The following ALMS1 variants were observed in gnomAD, a reference collection of about 807,000 sequenced individuals.
ALMS1 encodes the protein centrosome-associated protein ALMS1.
In ALMS1, 271 loss-of-function variants were observed where a neutral mutation model predicts 352.2. The ratio of observed to expected loss-of-function variants is 0.77; its 90% CI spans 0.70 to 0.85. The LOEUF is 0.85. Ranked by LOEUF, ALMS1 falls within the 40% of genes least tolerant of loss-of-function variation. ALMS1 has a pLI of 0.00. For synonymous variants in ALMS1, 1,865 were observed against 1,761.2 expected (o/e 1.06, Z -1.48); for missense variants, 5,445 against 4,870.7 (o/e 1.12, Z -3.51).
chr2:73,469,064 C>T (rs1672415317), intron 9 of ALMS1, among the ~76,000 whole-genome samples: 1 of 151,940 alleles, frequency 6.6e-6, no homozygotes, highest in African/African-American at 2.4e-5. Context: ...CAATGATTTA[C>T]TGACTTCTCT....
intron 9 of ALMS1, among the ~76,000 whole-genome samples, chr2:73,473,683 A>C (rs1252750577): frequency 6.7e-6 from 1 of 150,304 alleles, no homozygotes; most frequent in African/African-American, 2.5e-5. Flanking sequence ...AAATATCGAC[A>C]AAGAGAAATT....
rs1021572525 is a variant in ALMS1, at chr2:73,452,576, A to G, written c.6049A>G (p.Ser2017Gly). ...AACTGAGTTTCCAGCAGCTACCCTT[A>G]GTTCCTACTCACAAATAGAGAAGCC... ...QKTEFPAATL[S>G]SYSQIEKPKI... Residue 2017 changes from serine (S) to glycine (G), a missense_variant, in exon 8 of 23, where the codon AGT becomes GGT. Transcript: ENST00000613296. 19 of 1,614,018 alleles carry G rather than the reference A, an allele frequency of 1.2e-5. No homozygotes were observed. The highest frequency in any genetic ancestry group is 1.6e-5 in the Non-Finnish European group (19 of 1,180,024).
chr2:73,598,287 G>A (rs1675594945), intron 16 of ALMS1, among the ~76,000 whole-genome samples: 2 of 152,140 alleles, frequency 1.3e-5, no homozygotes, highest in Admixed American at 6.5e-5. Flanking sequence ...GAGAAAACAA[G>A]GCTAACCTGG....
chr2:73,530,844 G>T (rs1030493059), intron 11 of ALMS1, among the ~76,000 whole-genome samples: 5 of 152,210 alleles, frequency 3.3e-5, no homozygotes, highest in Non-Finnish European at 5.9e-5. Context: ...GTCAAAGCTT[G>T]GGGCTTGCAC....
chr2:73,497,864 T>G (rs945237629), intron 10 of ALMS1, among the ~76,000 whole-genome samples: 7 of 152,162 alleles, frequency 4.6e-5, no homozygotes, highest in Admixed American at 1.3e-4. Flanking sequence ...ACGTGTCTTT[T>G]TAATGTCTTC....
intron 4 of ALMS1, among the ~76,000 whole-genome samples, chr2:73,424,153 G>C (rs1468552180): frequency 6.6e-6 from 1 of 152,098 alleles, no homozygotes; most frequent in Non-Finnish European, 1.5e-5. Context: ...ATCATGGTAG[G>C]CGTCATTATG....
At position 73,449,633 on chromosome 2, in the gene ALMS1, G is replaced by C; in HGVS notation, c.3106G>C (p.Ala1036Pro). The C allele has an allele frequency of 6.2e-7, 1 of 1,614,104 alleles. No homozygotes were observed. The highest frequency in any genetic ancestry group is 8.5e-7 in the Non-Finnish European group (1 of 1,179,988). ...GAAAGTTTCAACTGGCCCTGGACCA[G>C]CTGACCAGAAGACTGAGATACCAGC... Reference protein sequence around the residue: ...ALKVSTGPGPADQKTEIPAVQ... With the variant: ...ALKVSTGPGPPDQKTEIPAVQ... Residue 1036 changes from alanine to proline, a missense_variant, in exon 8 of 23, where the codon GCT (alanine) becomes CCT (proline). Ala to Pro is a conservative substitution (Grantham distance 27, BLOSUM62 -1). Transcript: ENST00000613296.
intron 1 of ALMS1, among the ~76,000 whole-genome samples, chr2:73,401,581 A>G (rs538396315): frequency 1.3e-5 from 2 of 151,376 alleles, no homozygotes; most frequent in African/African-American, 2.4e-5. Flanking sequence ...CCTTTATTGT[A>G]TATATTTATA....
intron 15 of ALMS1, among the ~76,000 whole-genome samples, chr2:73,559,579 G>T (rs750850874): frequency 6.6e-6 from 1 of 151,908 alleles, no homozygotes; most frequent in African/African-American, 2.4e-5. Flanking sequence ...ACATAAAAGC[G>T]TATAGAACAC....
chr2:73,558,879 C>G, intron 14 of ALMS1, 93 bp from the exon 15 acceptor site: 17 of 1,362,224 alleles, frequency 1.2e-5, no homozygotes, highest in Non-Finnish European at 1.7e-5. Flanking sequence ...ATATCAGTAA[C>G]AAAGCCTTTC....
At chr2:73,556,645 G>T (rs61692394) in intron 13 of ALMS1, among the ~76,000 whole-genome samples, 50,181 of 136,278 alleles carry the variant, frequency 0.37, 10,648 homozygotes, top group African/African-American at 0.62. Flanking sequence ...TTTTTTTTTT[G>T]TTTTTTTTTT....
chr2:73,478,863 C>T (rs563848347), intron 9 of ALMS1, among the ~76,000 whole-genome samples: 46 of 151,970 alleles, frequency 3.0e-4, no homozygotes, highest in Non-Finnish European at 5.3e-4. Flanking sequence ...CGACAGGCCC[C>T]GGTGTGTGAT....
chr2:73,583,789 T>C (rs575163054), intron 16 of ALMS1, among the ~76,000 whole-genome samples: 6 of 152,328 alleles, frequency 3.9e-5, no homozygotes, highest in African/African-American at 1.4e-4. Context: ...CATTTGAACA[T>C]ATATGCGAGA....
In ALMS1 at chr2:73,572,378, T is replaced by A. The variant is rs774327209; in HGVS notation, c.10501T>A (p.Leu3501Met). The A allele has an allele frequency of 6.2e-7, 1 of 1,609,440 alleles. No homozygotes were observed. The highest frequency in any genetic ancestry group is 1.1e-5 in the South Asian group (1 of 89,768). The change falls in exon 16 of 23, where the codon TTG (leucine) becomes ATG (methionine). Residue 3501 changes from leucine to methionine, a missense_variant. Leu to Met is a conservative substitution (Grantham distance 15, BLOSUM62 2). Coordinates refer to ENST00000613296, the MANE Select transcript of ALMS1 (RefSeq NM_001378454.1). The part of the protein sequence containing the change: ...PSDQDICHES[L>M]GKSVFMRHSW... ...TGATCAAGATATTTGCCATGAATCT[T>A]TGGGAAAGAGTGTTTTCATGAGACA... is the stretch of plus-strand genomic sequence containing the variant.
chr2:73,464,499 G>C (rs888299189), intron 9 of ALMS1, among the ~76,000 whole-genome samples: 40 of 152,108 alleles, frequency 2.6e-4, no homozygotes, highest in Non-Finnish European at 4.1e-4. Context: ...ATACCGAATG[G>C]GCAAAAACTG....
intron 9 of ALMS1, among the ~76,000 whole-genome samples, chr2:73,474,503 C>T (rs1672543083): frequency 6.6e-6 from 1 of 151,688 alleles, no homozygotes; most frequent in Admixed American, 6.6e-5. Flanking sequence ...GTGACAGGGT[C>T]TTGCTCAGTC....
intron 16 of ALMS1, among the ~76,000 whole-genome samples, chr2:73,594,897 GT>G (rs1675512810): frequency 6.6e-6 from 1 of 152,122 alleles, no homozygotes; most frequent in Non-Finnish European, 1.5e-5. Context: ...TTGGTATCTT[GT>G]TTTTAAATAT....
At chr2:73,386,520 G>T (rs1670538242) in intron 1 of ALMS1, among the ~76,000 whole-genome samples, 1 of 152,186 alleles carries the variant, frequency 6.6e-6, no homozygotes, top group African/African-American at 2.4e-5. Context: ...AAAAGGCGGT[G>T]TAGGACCGGA....
Position 73,448,042 on chromosome 2 carries a change from C to T in ALMS1, c.1515C>T (p.Asp505=). ...SGITTTPVDS[D]IGSHLSLSLE... ...TCACTACCACTCCTGTTGATTCAGA[C>T]ATTGGATCTCATTTATCCTTGTCCC... The change falls in exon 8 of 23, where the codon GAC becomes GAT. Residue 505 remains aspartate (D), a synonymous_variant. Coordinates refer to ENST00000613296, the MANE Select transcript of ALMS1 (RefSeq NM_001378454.1). 1 of 1,613,940 alleles carries T rather than the reference C, an allele frequency of 6.2e-7. No individual in the cohort carries two copies. The highest frequency in any genetic ancestry group is 1.1e-5 in the South Asian group (1 of 91,070).
Sources: gnomAD v4.1 joint callset for allele counts (sites outside exome capture counted in the v4.1 genomes callset) on GRCh38, gnomAD v4.1.1 for gene constraint, MANE v1.5 for transcripts, NCBI Gene and HGNC (gene_info 2026-07-23, HGNC 2026-07-21) for gene names.